The following STRN variants were observed in gnomAD, a reference collection of about 807,000 sequenced individuals.
The protein encoded by STRN is protein phosphatase 2 regulatory subunit B'''alpha.
STRN carries 53 observed loss-of-function variants against 96.3 expected under a neutral mutation model. The observed-to-expected ratio is 0.55, with a 90% CI of 0.44 to 0.69. The LOEUF is 0.69. Among genes scored for constraint, STRN ranks in the 30% least tolerant of loss-of-function variants. The pLI, the probability that STRN is intolerant of heterozygous loss-of-function variation, is 0.00. For synonymous variants in STRN, 428 were observed against 355.9 expected, an observed-to-expected ratio of 1.20 and a Z score of -2.28; for missense variants, 987 against 963.9, an observed-to-expected ratio of 1.02 and a Z score of -0.32.
chr2:36,937,505 C>CA (rs1245418152), intron 1 of STRN, among the ~76,000 whole-genome samples: 4 of 151,730 alleles, frequency 2.6e-5, no homozygotes, highest in African/African-American at 9.7e-5. Flanking sequence ...TCCATGTCTA[C>CA]AAAAAACTAA....
chr2:36,857,124 C>T (rs972207626), intron 14 of STRN, among the ~76,000 whole-genome samples: 4 of 150,154 alleles, frequency 2.7e-5, no homozygotes, highest in Non-Finnish European at 4.4e-5. Flanking sequence ...GACAGGGCCT[C>T]GCTATGTTGC....
intron 3 of STRN, among the ~76,000 whole-genome samples, chr2:36,907,097 T>C (rs1669840419): frequency 6.6e-6 from 1 of 152,132 alleles, no homozygotes; most frequent in South Asian, 2.1e-4. Context: ...GACTGTACAA[T>C]CTCCAAGCTA....
chr2:36,890,780 G>A lies in STRN; in HGVS notation c.931+3118C>T, dbSNP rs558018734. 2.8e-4 allele frequency among the ~76,000 whole-genome samples: 43 copies of A among 152,160 alleles called. No homozygotes were observed. In the South Asian group the frequency reaches 4.8e-3, roughly 17 times the overall value. On this transcript the variant is annotated intron_variant, in intron 7 of 17. Transcript: ENST00000263918. ...ATTACAGGCGTGAGCCACTGCGCCT[G>A]GCCCAGAAAACTATTTTTTAATGAT...
chr2:36,888,329 C>G (rs980936896), intron 7 of STRN, among the ~76,000 whole-genome samples: 1 of 152,150 alleles, frequency 6.6e-6, no homozygotes, highest in Non-Finnish European at 1.5e-5. Context: ...AATAAAAGAT[C>G]GTGTCACCCT....
In STRN at chr2:36,857,213, C is replaced by T. The variant is rs191761380; in HGVS notation, c.1837+643G>A. ...AAGTGCTAGGATTACAGGTGTGAGCCACCACACCTGGATTCTATGTCTTGA... is the reference window on the plus strand; with the variant it reads ...AAGTGCTAGGATTACAGGTGTGAGCTACCACACCTGGATTCTATGTCTTGA... On this transcript the variant is annotated intron_variant, in intron 14 of 17. Transcript: ENST00000263918. Among the ~76,000 whole-genome samples the T allele has an allele frequency of 2.3e-3, 356 of 151,754 alleles. 3 individuals carry two copies. Among genetic ancestry groups the T allele is most frequent in the African/African-American group, 8.4e-3 (346 of 41,376 alleles).
At position 36,848,476 on chromosome 2, in the gene STRN, A is replaced by G. The variant is rs1218966901; in HGVS notation, c.*980T>C. 6.6e-6 allele frequency: 1 copy of G among 152,230 alleles called. No homozygotes were observed. The highest frequency in any genetic ancestry group is 2.4e-5 in the African/African-American group (1 of 41,454). 9.4% of individuals were successfully genotyped at this position (152,230 alleles called of 1,614,324 possible). On this transcript the variant is annotated 3_prime_UTR_variant, in exon 18 of 18. Coordinates refer to ENST00000263918, the MANE Select transcript of STRN (RefSeq NM_003162.4). ...TGACAAAGAAGAAAGAGCACAGATC[A>G]TCTGAAGCATGATTAGGTGGGTGTT...
chr2:36,905,127 G>T (rs990938118), intron 4 of STRN, among the ~76,000 whole-genome samples: 17 of 152,062 alleles, frequency 1.1e-4, no homozygotes, highest in Admixed American at 7.2e-4. Flanking sequence ...GTGCCACCAC[G>T]CCCGGCTAAT....
At chr2:36,937,173 G>A (rs1454227356) in intron 1 of STRN, among the ~76,000 whole-genome samples, 6 of 151,990 alleles carry the variant, frequency 3.9e-5, no homozygotes, top group Admixed American at 3.9e-4. Flanking sequence ...GAGAAACCCT[G>A]TCTCTACTAA....
chr2:36,919,251 A>G (rs886771628), intron 2 of STRN, among the ~76,000 whole-genome samples: 15 of 152,220 alleles, frequency 9.9e-5, no homozygotes, highest in Non-Finnish European at 1.0e-4. Context: ...AGGAATGTAA[A>G]TAACTACAGC....
chr2:36,945,405 C>G (rs927846048), intron 1 of STRN, among the ~76,000 whole-genome samples: 1 of 152,124 alleles, frequency 6.6e-6, no homozygotes, highest in Non-Finnish European at 1.5e-5. Context: ...TGGTGGCTCG[C>G]GCCTGTAATC....
intron 1 of STRN, among the ~76,000 whole-genome samples, chr2:36,941,547 T>G (rs918902190): frequency 2.6e-5 from 4 of 152,052 alleles, no homozygotes; most frequent in African/African-American, 7.2e-5. Flanking sequence ...TATTTTCTTA[T>G]GTAAACTTTT....
intron 1 of STRN, among the ~76,000 whole-genome samples, chr2:36,956,029 ACAT>A (rs1664878963): frequency 6.6e-6 from 1 of 152,198 alleles, no homozygotes; most frequent in Non-Finnish European, 1.5e-5. Context: ...TCCACTTGTG[ACAT>A]CATGTCAGCA....
rs200908442 is a variant in STRN, at chr2:36,849,840, C to G, written c.2087-40G>C. 280 of 1,587,388 alleles carry G rather than the reference C, an allele frequency of 1.8e-4. 1 individual carries two copies. In the East Asian group the frequency reaches 5.6e-3, roughly 32 times the overall value. On this transcript the variant is annotated intron_variant, in intron 16 of 17. Transcript: ENST00000263918. ...ATTGTTACTCCTTATTAATGCCTTT[C>G]CTCATCTTCAATATTTGCCAGCTAC...
intron 16 of STRN, 123 bp from the exon 17 acceptor site, chr2:36,849,923 T>C: frequency 1.1e-6 from 1 of 897,136 alleles, no homozygotes; most frequent in Non-Finnish European, 1.7e-6. Context: ...ATTAATAGCT[T>C]TTTCCATCAC....
intron 1 of STRN, among the ~76,000 whole-genome samples, chr2:36,939,971 T>C (rs1670805022): frequency 6.6e-6 from 1 of 152,244 alleles, no homozygotes; most frequent in Admixed American, 6.5e-5. Flanking sequence ...ATTCATTTAC[T>C]GAGTACCTAC....
intron 15 of STRN, 46 bp downstream of exon 15, chr2:36,855,166 T>G (rs1359443509): frequency 6.3e-7 from 1 of 1,593,000 alleles, no homozygotes; most frequent in Non-Finnish European, 8.6e-7. Flanking sequence ...TAATTTTGAT[T>G]AAGTTAAAAA....
Position 36,855,274 on chromosome 2 carries a change from G to C in STRN, c.1916C>G (p.Thr639Arg). 6.2e-7 allele frequency: 1 copy of C among 1,613,902 alleles called. No individual in the cohort carries two copies. Among genetic ancestry groups the C allele is most frequent in the Non-Finnish European group, 8.5e-7 (1 of 1,179,832 alleles). Reference protein sequence around the residue: ...HMVASFSKGYTSIFNMETQQR... With the variant: ...HMVASFSKGYRSIFNMETQQR... ...TTGTGTTTCCATGTTAAAAATGCTT[G>C]TATATCCCTTGCTGAATGATGCTAC... The change falls in exon 15 of 18, where the codon ACA (threonine) becomes AGA (arginine). Residue 639 changes from threonine to arginine, a missense_variant. By Grantham distance (71) the Thr-to-Arg change is moderately conservative. Transcript: ENST00000263918.
At chr2:36,857,050 ATTTC>A (rs1344772124) in intron 14 of STRN, among the ~76,000 whole-genome samples, 1 of 150,490 alleles carries the variant, frequency 6.6e-6, no homozygotes, top group Non-Finnish European at 1.5e-5. Flanking sequence ...AGTCTCAGGT[ATTTC>A]TTTATAGTGG....
At chr2:36,889,853 C>T (rs1036733218) in intron 7 of STRN, among the ~76,000 whole-genome samples, 1 of 152,086 alleles carries the variant, frequency 6.6e-6, no homozygotes, top group Admixed American at 6.6e-5. Context: ...CTATCCAGCA[C>T]ACTACTAAAG....
Sources: allele counts gnomAD v4.1 joint callset (sites outside exome capture counted in the v4.1 genomes callset), GRCh38; gene constraint gnomAD v4.1.1; transcripts MANE v1.5; gene names NCBI Gene and HGNC (gene_info 2026-07-23, HGNC 2026-07-21).